Variants in CASZ1 observed in about 807,000 individuals in gnomAD.
The protein encoded by CASZ1 is castor zinc finger 1.
Under a neutral mutation model 135.2 loss-of-function variants are expected in CASZ1, and 28 were observed. The ratio of observed to expected loss-of-function variants is 0.21; its 90% CI spans 0.15 to 0.28. The LOEUF is 0.28. Ranked by LOEUF, CASZ1 falls within the 10% of genes least tolerant of loss-of-function variation. The pLI is 1.00. For missense variants in CASZ1, 2,161 were observed against 2,453.3 expected (o/e 0.88, Z 2.52); for synonymous variants, 1,068 against 1,073.4 (o/e 0.99, Z 0.10).
rs952338992 is a variant in CASZ1 at position 10,756,538 on chromosome 1, C to T, written c.-77+4163G>A. Among the ~76,000 whole-genome samples, 2 of 152,248 alleles carry T rather than the reference C, an allele frequency of 1.3e-5. No individual in the cohort carries two copies. Among genetic ancestry groups the T allele is most frequent in the Admixed American group, 1.3e-4 (2 of 15,292 alleles). ...GGGCAGTGCCCAGGGCGGCATGGGG[C>T]CTGTCCAGGGGCGCTGGGGATCACT... On this transcript the variant is annotated intron_variant, in intron 2 of 20. Transcript: ENST00000377022. This position sits in a 1 kb window ranked among gnomAD's most constrained non-coding sequence, Gnocchi z 5.9.
At position 10,757,430 on chromosome 1, in the gene CASZ1, C is replaced by T. The variant is rs558379697; in HGVS notation, c.-77+3271G>A. Among the ~76,000 whole-genome samples the T allele has an allele frequency of 4.6e-5, 7 of 152,320 alleles. No homozygotes were observed. The highest frequency in any genetic ancestry group is 1.9e-4 in the East Asian group (1 of 5,194). ...CCCAGCCACCATCCTCTCACACCAT[C>T]GGCTGCAGCAGCTGCCCCTCTGGCC... On this transcript the variant is annotated intron_variant, in intron 2 of 20. Transcript: ENST00000377022. The surrounding 1 kb of genome is among the most constrained non-coding windows in gnomAD (Gnocchi z 4.6).
Position 10,639,944 on chromosome 1 carries a change from G to A in CASZ1, c.4278C>T (p.Asp1426=), listed in dbSNP as rs375864672. 5.6e-6 allele frequency: 9 copies of A among 1,612,822 alleles called. No homozygotes were observed. The highest frequency in any genetic ancestry group is 5.5e-5 in the South Asian group (5 of 91,086). Residue 1426 remains aspartate, a synonymous_variant, in exon 21 of 21, where the codon GAC becomes GAT. Transcript: ENST00000377022. The surrounding 1 kb of genome is among the most constrained non-coding windows in gnomAD (Gnocchi z 4.0). ...GGAAGCCCTCCAGCATCATGCCCTC[G>A]TCCAGCATCTTCCGGGAGGACGCCG... ...RKTASSRKML[D]EGMMLEGFRR...
intron 2 of CASZ1, among the ~76,000 whole-genome samples, chr1:10,729,469 G>A (rs1415094169): frequency 6.6e-6 from 1 of 152,174 alleles, no homozygotes; most frequent in African/African-American, 2.4e-5. Flanking sequence ...ACAGTCCAGG[G>A]AGCCAGGAGG....
intron 2 of CASZ1, among the ~76,000 whole-genome samples, chr1:10,758,265 G>A (rs534443272): frequency 8.3e-4 from 126 of 151,324 alleles, no homozygotes; most frequent in Non-Finnish European, 1.6e-3. Context: ...GAACAGGGGC[G>A]GTCTTGTCCA....
Position 10,709,387 on chromosome 1 carries a change from G to C in CASZ1, c.-76-3843C>G, listed in dbSNP as rs1017528310. 5.3e-5 allele frequency among the ~76,000 whole-genome samples: 8 copies of C among 152,192 alleles called. No individual in the cohort carries two copies. Among genetic ancestry groups the C allele is most frequent in the Non-Finnish European group, 8.8e-5 (6 of 68,040 alleles). On this transcript the variant is annotated intron_variant, in intron 2 of 20. Transcript: ENST00000377022. This position sits in a 1 kb window ranked among gnomAD's most constrained non-coding sequence, Gnocchi z 5.1. ...GGCCATGTCAGCCCGGCAGTGTGAG[G>C]AGGGGGGCGGCATAGACAACAGGGG...
intron 1 of CASZ1, among the ~76,000 whole-genome samples, chr1:10,765,620 G>A (rs552162982): frequency 1.5e-4 from 23 of 152,152 alleles, no homozygotes; most frequent in Non-Finnish European, 2.5e-4. Flanking sequence ...GGCATCTCAC[G>A]GCTTCAGGTG....
At chr1:10,728,318 C>G (rs985209795) in intron 2 of CASZ1, among the ~76,000 whole-genome samples, 1 of 152,254 alleles carries the variant, frequency 6.6e-6, no homozygotes, top group Admixed American at 6.5e-5. Context: ...CCCGCCCCCT[C>G]TGTGCCCACA....
At position 10,665,157 on chromosome 1, in the gene CASZ1, C is replaced by T; in HGVS notation, c.431G>A (p.Gly144Asp). 1 of 1,546,630 alleles carries T rather than the reference C, an allele frequency of 6.5e-7. No homozygotes were observed. The highest frequency in any genetic ancestry group is 8.7e-7 in the Non-Finnish European group (1 of 1,143,820). ...DHAEEPSKDG[G>D]ALEEKDSDGA... ...GTCCGAATCCTTCTCCTCCAGGGCA[C>T]CGCCGTCCTTGGAGGGCTCCTCCGC... is the stretch of plus-strand genomic sequence containing the variant. The change falls in exon 5 of 21, where the codon GGT (glycine) becomes GAT (aspartate). Residue 144 changes from glycine (G) to aspartate (D), a missense_variant. Around this residue, in one of 7 missense-constraint regions of CASZ1, gnomAD observed 590 missense variants for 609.8 expected, o/e 0.97. Transcript: ENST00000377022.
intron 1 of CASZ1, among the ~76,000 whole-genome samples, chr1:10,782,292 A>G (rs1640776505): frequency 6.6e-6 from 1 of 152,246 alleles, no homozygotes; most frequent in Non-Finnish European, 1.5e-5. Flanking sequence ...GTAAGTATCT[A>G]CTGACTACGG....
chr1:10,654,145 C>G lies in CASZ1; in HGVS notation c.1912G>C (p.Asp638His). The G allele has an allele frequency of 6.2e-7, 1 of 1,614,230 alleles. No individual in the cohort carries two copies. The highest frequency in any genetic ancestry group is 8.5e-7 in the Non-Finnish European group (1 of 1,180,042). ...EKHKSYHIKD[D>H]AYAKDGFKKF... is the part of the protein sequence containing the mutation. The stretch of plus-strand genomic sequence containing the variant: ...TTGAAGCCGTCCTTGGCGTAGGCAT[C>G]GTCCTTGATGTGGTAGCTCTTGTGC... Residue 638 changes from aspartate (D) to histidine (H), a missense_variant, in exon 11 of 21, where the codon GAT (aspartate) becomes CAT (histidine). By Grantham distance (81) the Asp-to-His change is moderately conservative. Around this residue, in one of 7 missense-constraint regions of CASZ1, gnomAD observed 248 missense variants for 410.8 expected, o/e 0.60. Transcript: ENST00000377022.
Position 10,653,779 on chromosome 1 carries a change from C to T in CASZ1, c.2278G>A (p.Ala760Thr). ...GGAGGTTTGGTGGCACTGGGCCCAG[C>T]CTCGGTGGCGGCAGTGGCGGCAGCC... ...SLAAATAATE[A>T]GPSATKPPNS... The change falls in exon 11 of 21, where the codon GCT (alanine) becomes ACT (threonine). Residue 760 changes from alanine (A) to threonine (T), a missense_variant. Physicochemically the swap from Ala to Thr is moderately conservative, Grantham distance 58 (BLOSUM62 0). Around this residue, in one of 7 missense-constraint regions of CASZ1, gnomAD observed 406 missense variants for 387.6 expected, o/e 1.05. Coordinates refer to ENST00000377022, the MANE Select transcript of CASZ1 (RefSeq NM_001079843.3). 2 of 1,610,922 alleles carry T rather than the reference C, an allele frequency of 1.2e-6. No homozygotes were observed. The highest frequency in any genetic ancestry group is 1.7e-6 in the Non-Finnish European group (2 of 1,178,418).
In CASZ1 at chr1:10,758,373, C is replaced by A. The variant is rs577241730; in HGVS notation, c.-77+2328G>T. ...TTGAGACAGAGTCTTGCTCTGTCGC[C>A]CAGACTGGAGTGCAGTGGCGCGATC... On this transcript the variant is annotated intron_variant, in intron 2 of 20. Coordinates refer to ENST00000377022, the MANE Select transcript of CASZ1 (RefSeq NM_001079843.3). Among the ~76,000 whole-genome samples the A allele has an allele frequency of 3.2e-4, 48 of 148,812 alleles. 1 individual carries two copies. In the South Asian group the frequency reaches 9.6e-3, roughly 30 times the overall value.
rs1449406952 is a variant in CASZ1 at position 10,699,332 on chromosome 1, G to T, written c.-23-5420C>A. On this transcript the variant is annotated intron_variant, in intron 3 of 20. Transcript: ENST00000377022. The surrounding 1 kb of genome is among the most constrained non-coding windows in gnomAD (Gnocchi z 4.6). ...CCCATTTCCTTTTAGGGAAGTGCTG[G>T]CCACAACCCCAAACAGTAGCCCCTC... Among the ~76,000 whole-genome samples the T allele has an allele frequency of 6.6e-6, 1 of 152,184 alleles. No individual in the cohort carries two copies. The highest frequency in any genetic ancestry group is 1.5e-5 in the Non-Finnish European group (1 of 68,030).
At chr1:10,696,444 C>A (rs1004459788) in intron 3 of CASZ1, among the ~76,000 whole-genome samples, 2 of 152,268 alleles carry the variant, frequency 1.3e-5, no homozygotes, top group African/African-American at 4.8e-5. Flanking sequence ...TACCGGGCAC[C>A]CAGCACAGAG....
At chr1:10,708,966 C>CG (rs1417955680) in intron 2 of CASZ1, among the ~76,000 whole-genome samples, 42 of 26,640 alleles carry the variant, frequency 1.6e-3, no homozygotes, top group African/African-American at 3.8e-3. Flanking sequence ...GGATGGAGGA[C>CG]GGGGAGGGGG....
rs746220263 is a variant in CASZ1, at chr1:10,646,309, G to A, written c.3515C>T (p.Thr1172Met). Residue 1172 changes from threonine to methionine, a missense_variant, in exon 17 of 21, where the codon ACG becomes ATG. Thr to Met is a moderately conservative substitution (Grantham distance 81, BLOSUM62 -1). Transcript: ENST00000377022. This position sits in a 1 kb window ranked among gnomAD's most constrained non-coding sequence, Gnocchi z 6.4. Reference sequence around the variant, plus strand: ...GAACTTGTTGGCGTACTTGCAGTCCGTGGCGAGGCAAGGATCGCTGGAAGG... The same window carrying A: ...GAACTTGTTGGCGTACTTGCAGTCCATGGCGAGGCAAGGATCGCTGGAAGG... The part of the protein sequence containing the change: ...QFQENDPCLA[T>M]DCKYANKFHF... 31 of 1,614,036 alleles carry A rather than the reference G, an allele frequency of 1.9e-5. No individual in the cohort carries two copies. The highest frequency in any genetic ancestry group is 1.7e-4 in the Middle Eastern group (1 of 6,058).
intron 18 of CASZ1, among the ~76,000 whole-genome samples, chr1:10,644,098 G>A: frequency 6.6e-6 from 1 of 152,204 alleles, no homozygotes; most frequent in East Asian, 1.9e-4. Flanking sequence ...GGAAGGACCA[G>A]AATGCAGCAG....
rs1485143460 is a variant in CASZ1 at position 10,755,819 on chromosome 1, C to G, written c.-77+4882G>C. Reference sequence around the variant, plus strand: ...CTACCCATCCTCTGGAGCACCACATCACGGTGGGAGGTGGGGAACCCTCCT... The same window carrying G: ...CTACCCATCCTCTGGAGCACCACATGACGGTGGGAGGTGGGGAACCCTCCT... On this transcript the variant is annotated intron_variant, in intron 2 of 20. Coordinates refer to ENST00000377022, the MANE Select transcript of CASZ1 (RefSeq NM_001079843.3). This position sits in a 1 kb window ranked among gnomAD's most constrained non-coding sequence, Gnocchi z 4.3. 6.6e-6 allele frequency among the ~76,000 whole-genome samples: 1 copy of G among 152,142 alleles called. No homozygotes were observed. The highest frequency in any genetic ancestry group is 1.9e-4 in the East Asian group (1 of 5,174).
At chr1:10,729,710 G>A (rs975729494) in intron 2 of CASZ1, among the ~76,000 whole-genome samples, 1 of 152,276 alleles carries the variant, frequency 6.6e-6, no homozygotes, top group Admixed American at 6.5e-5. Context: ...CAGCGGGTGA[G>A]CGGAACTGCC....
Sources: allele counts gnomAD v4.1 joint callset (sites outside exome capture counted in the v4.1 genomes callset), GRCh38; gene constraint gnomAD v4.1.1; regional missense constraint gnomAD v4.1.1; non-coding constraint Gnocchi (gnomAD v3.1); transcripts MANE v1.5; gene names NCBI Gene and HGNC (gene_info 2026-07-23, HGNC 2026-07-21).